PXDNL: variants seen among roughly 807,000 people sequenced by gnomAD.
PXDNL encodes the protein peroxidasin like.
PXDNL carries 145 observed loss-of-function variants against 150.8 expected under a neutral mutation model. The ratio of observed to expected loss-of-function variants is 0.96; its 90% CI spans 0.84 to 1.10. The LOEUF (loss-of-function observed/expected upper bound fraction) is 1.10. PXDNL is among the 50% of genes least tolerant of loss of function. PXDNL has a pLI of 0.00. For synonymous variants in PXDNL, 757 were observed against 725.7 expected, an observed-to-expected ratio of 1.04 and a Z score of -0.69; for missense variants, 2,087 against 1,873.9, an observed-to-expected ratio of 1.11 and a Z score of -2.10.
At chr8:51,524,135 G>A (rs1811717857) in intron 4 of PXDNL, among the ~76,000 whole-genome samples, 3 of 10,506 alleles carry the variant, frequency 2.9e-4, no homozygotes, top group South Asian at 5.1e-3. Flanking sequence ...AAGGGATTAT[G>A]ATGGAGTCAT....
intron 8 of PXDNL, among the ~76,000 whole-genome samples, chr8:51,458,991 A>T (rs1810003970): frequency 6.6e-6 from 1 of 152,268 alleles, no homozygotes; most frequent in Non-Finnish European, 1.5e-5. Flanking sequence ...TCATTTTTGA[A>T]CAGATTAGTT....
intron 1 of PXDNL, among the ~76,000 whole-genome samples, chr8:51,710,441 T>G (rs183741950): frequency 5.4e-4 from 82 of 152,326 alleles, no homozygotes; most frequent in Non-Finnish European, 8.2e-4. Context: ...ATCAATTTTT[T>G]GGGGGGTGAG....
At chr8:51,458,031 A>G (rs1208709763) in intron 8 of PXDNL, among the ~76,000 whole-genome samples, 2 of 152,228 alleles carry the variant, frequency 1.3e-5, no homozygotes, top group Admixed American at 6.5e-5. Flanking sequence ...ACCAGATGGT[A>G]ATATGTAATC....
At chr8:51,525,723 A>T (rs1811757007) in intron 4 of PXDNL, among the ~76,000 whole-genome samples, 1 of 152,228 alleles carries the variant, frequency 6.6e-6, no homozygotes, top group South Asian at 2.1e-4. Context: ...TCCTCTTAGC[A>T]GAGCAACCCC....
intron 1 of PXDNL, among the ~76,000 whole-genome samples, chr8:51,725,346 A>T (rs1215653881): frequency 6.6e-6 from 1 of 152,252 alleles, no homozygotes; most frequent in Non-Finnish European, 1.5e-5. Context: ...AAATAAGAGC[A>T]TTAGAAATAA....
intron 1 of PXDNL, among the ~76,000 whole-genome samples, chr8:51,777,633 G>A (rs533978203): frequency 6.6e-6 from 1 of 152,302 alleles, no homozygotes; most frequent in East Asian, 1.9e-4. Context: ...CAGGCAAGGT[G>A]TCTCATTGCC....
intron 17 of PXDNL, among the ~76,000 whole-genome samples, chr8:51,407,763 T>C (rs1808477066): frequency 6.6e-6 from 1 of 152,184 alleles, no homozygotes; most frequent in Non-Finnish European, 1.5e-5. Flanking sequence ...AAAAGGGCCT[T>C]GCTTGGATTA....
At chr8:51,550,853 A>C (rs570389062) in intron 4 of PXDNL, among the ~76,000 whole-genome samples, 1 of 152,332 alleles carries the variant, frequency 6.6e-6, no homozygotes, top group African/African-American at 2.4e-5. Flanking sequence ...AGGGCATCCT[A>C]ATCAGTAAAG....
chr8:51,455,495 G>A (rs532074957), intron 9 of PXDNL, among the ~76,000 whole-genome samples: 16 of 152,268 alleles, frequency 1.1e-4, no homozygotes, highest in African/African-American at 3.6e-4. Flanking sequence ...AAAGCTGAAG[G>A]TTTGGGAAGA....
At chr8:51,591,391 C>T (rs1458907669) in intron 3 of PXDNL, among the ~76,000 whole-genome samples, 1 of 152,112 alleles carries the variant, frequency 6.6e-6, no homozygotes, top group Non-Finnish European at 1.5e-5. Flanking sequence ...CTGTGGGAGA[C>T]CTCTATGTTA....
In PXDNL at chr8:51,319,859, C is replaced by T. The variant is rs1805263091; in HGVS notation, c.*32G>A. Reference sequence around the variant, plus strand: ...CTAAATGTCTCTTCCTGAGAAATTTCCCATTTGGGGCTCAACAGCACAAAA... The same window carrying T: ...CTAAATGTCTCTTCCTGAGAAATTTTCCATTTGGGGCTCAACAGCACAAAA... On this transcript the variant is annotated 3_prime_UTR_variant, in exon 23 of 23. Transcript: ENST00000356297. 6.9e-7 allele frequency: 1 copy of T among 1,441,502 alleles called. No individual in the cohort carries two copies. The highest frequency in any genetic ancestry group is 9.2e-7 in the Non-Finnish European group (1 of 1,090,970). 89.3% of individuals were successfully genotyped at this position (1,441,502 alleles called of 1,614,324 possible).
At chr8:51,780,193 T>G (rs2037396761) in intron 1 of PXDNL, among the ~76,000 whole-genome samples, 1 of 151,332 alleles carries the variant, frequency 6.6e-6, no homozygotes, top group Admixed American at 6.6e-5. Context: ...GCCCAGGCAA[T>G]ACAGTGAAAC....
chr8:51,726,247 C>T (rs1036248003), intron 1 of PXDNL, among the ~76,000 whole-genome samples: 4 of 152,184 alleles, frequency 2.6e-5, no homozygotes, highest in Non-Finnish European at 4.4e-5. Flanking sequence ...TTACCTCTGG[C>T]GCCCCAGGTA....
chr8:51,489,258 C>T (rs917998558), intron 5 of PXDNL, among the ~76,000 whole-genome samples: 1 of 152,110 alleles, frequency 6.6e-6, no homozygotes, highest in Non-Finnish European at 1.5e-5. Context: ...ACATTGAAAA[C>T]TCCAATAATT....
intron 1 of PXDNL, among the ~76,000 whole-genome samples, chr8:51,753,076 C>T (rs2037063941): frequency 6.6e-6 from 1 of 152,178 alleles, no homozygotes; most frequent in Non-Finnish European, 1.5e-5. Context: ...TACAATGGAA[C>T]AGTAAATATG....
In PXDNL at chr8:51,499,798, C is replaced by T. The variant is rs771176254; in HGVS notation, c.381-28G>A. ...GGAAGGCAAAAAATCAAGTTGGTTA[C>T]TCCTTGTGCTGGTGAGTAAAATAAA... On this transcript the variant is annotated intron_variant, in intron 4 of 22. Transcript: ENST00000356297. The T allele has an allele frequency of 1.3e-5, 18 of 1,435,874 alleles. 1 individual carries two copies. The South Asian group carries it at 2.0e-4, about 16-fold the overall frequency. 88.9% of individuals were successfully genotyped at this position (1,435,874 alleles called of 1,614,324 possible).
chr8:51,809,283 C>G lies in PXDNL; in HGVS notation c.62G>C (p.Gly21Ala), dbSNP rs771849428. ...AAGGCACCGGCTGGGGCAGGGCAAC[C>G]CTGGCAGGCACCACCCGGCCAGGAG... The part of the protein sequence containing the change: ...LFLLAGWCLP[G>A]LPCPSRCLCF... The change falls in exon 1 of 23, where the codon GGG (glycine) becomes GCG (alanine). Residue 21 changes from glycine to alanine, a missense_variant. Transcript: ENST00000356297. The G allele has an allele frequency of 6.3e-7, 1 of 1,594,588 alleles. No homozygotes were observed. The highest frequency in any genetic ancestry group is 8.5e-7 in the Non-Finnish European group (1 of 1,170,612).
At chr8:51,724,021 A>C (rs1816778318) in intron 1 of PXDNL, among the ~76,000 whole-genome samples, 1 of 150,316 alleles carries the variant, frequency 6.7e-6, no homozygotes, top group Non-Finnish European at 1.5e-5. Flanking sequence ...AGGTGCAGAA[A>C]AGGAAAGAGG....
intron 5 of PXDNL, among the ~76,000 whole-genome samples, chr8:51,496,569 A>AG (rs1210880220): frequency 6.6e-6 from 1 of 152,214 alleles, no homozygotes; most frequent in African/African-American, 2.4e-5. Context: ...GCTGATAGGC[A>AG]ACTTCAGCAA....
Sources: gnomAD v4.1 joint callset for allele counts (sites outside exome capture counted in the v4.1 genomes callset) on GRCh38, gnomAD v4.1.1 for gene constraint, MANE v1.5 for transcripts, NCBI Gene and HGNC (gene_info 2026-07-23, HGNC 2026-07-21) for gene names.